Variants in GFOD1 observed in about 807,000 individuals in gnomAD.
GFOD1 encodes Gfo/Idh/MocA-like oxidoreductase domain containing 1, also known as glucose-fructose oxidoreductase domain-containing protein 1.
GFOD1 carries 9 observed loss-of-function variants against 25.4 expected under a neutral mutation model. The ratio of observed to expected loss-of-function variants is 0.35; its 90% CI spans 0.21 to 0.62. GFOD1 has a LOEUF of 0.62. Among genes scored for constraint, GFOD1 ranks in the 20% least tolerant of loss-of-function variants. GFOD1 has a pLI of 0.72. For missense variants in GFOD1, 403 were observed against 556.9 expected (o/e 0.72, Z 2.78); for synonymous variants, 253 against 245.6 (o/e 1.03, Z -0.28).
At chr6:13,470,634 T>G in intron 1 of GFOD1, 2 of 1,462,230 alleles carry the variant, frequency 1.4e-6, no homozygotes, top group South Asian at 1.5e-5. Context: ...CCTGGTTCTG[T>G]TGGAAAGGGA....
chr6:13,370,588 A>G (rs1461794144), intron 1 of GFOD1, among the ~76,000 whole-genome samples: 1 of 152,074 alleles, frequency 6.6e-6, no homozygotes, highest in African/African-American at 2.4e-5. Flanking sequence ...CAAGATCCTC[A>G]GGTTTTTTCT....
At chr6:13,402,771 A>C (rs532552847) in intron 1 of GFOD1, among the ~76,000 whole-genome samples, 2 of 152,324 alleles carry the variant, frequency 1.3e-5, no homozygotes, top group South Asian at 4.1e-4. Flanking sequence ...CATCCTGGCA[A>C]CTCCTCAAAA....
At chr6:13,412,846 T>C (rs1786102546) in intron 1 of GFOD1, among the ~76,000 whole-genome samples, 1 of 152,244 alleles carries the variant, frequency 6.6e-6, no homozygotes, top group Non-Finnish European at 1.5e-5. Context: ...AGAGGGCTCC[T>C]CTGAGCAAAG....
intron 1 of GFOD1, among the ~76,000 whole-genome samples, chr6:13,390,190 TA>T (rs1785559543): frequency 6.6e-6 from 1 of 152,234 alleles, no homozygotes; most frequent in Non-Finnish European, 1.5e-5. Context: ...TTCTTAGGCA[TA>T]TTTTCCTGTG....
chr6:13,395,588 C>T (rs1398433441), intron 1 of GFOD1, among the ~76,000 whole-genome samples: 1 of 152,192 alleles, frequency 6.6e-6, no homozygotes, highest in African/African-American at 2.4e-5. Context: ...CTCGGGGCTC[C>T]AGCTTCCTCA....
intron 1 of GFOD1, among the ~76,000 whole-genome samples, chr6:13,409,937 A>AAG (rs1554202015): frequency 5.4e-5 from 2 of 37,152 alleles, no homozygotes; most frequent in African/African-American, 7.6e-5. Flanking sequence ...AAAAAAAAAA[A>AAG]AAAGAAAGAA....
At chr6:13,395,385 C>A (rs1163489101) in intron 1 of GFOD1, among the ~76,000 whole-genome samples, 1 of 152,162 alleles carries the variant, frequency 6.6e-6, no homozygotes, top group African/African-American at 2.4e-5. Flanking sequence ...GCCTATAAAC[C>A]ACCCGATAAA....
intron 1 of GFOD1, among the ~76,000 whole-genome samples, chr6:13,475,816 T>A (rs953792731): frequency 6.6e-6 from 1 of 150,810 alleles, no homozygotes; most frequent in Non-Finnish European, 1.5e-5. Context: ...CCCAGCTACT[T>A]GGGAGGCTGA....
At chr6:13,384,311 G>C (rs1785423793) in intron 1 of GFOD1, among the ~76,000 whole-genome samples, 1 of 152,168 alleles carries the variant, frequency 6.6e-6, no homozygotes, top group African/African-American at 2.4e-5. Context: ...TAAAGCACCT[G>C]CTAAGTTATT....
In GFOD1 at chr6:13,368,552, ACTGCCAAAAT is replaced by A. The variant is rs369926482; in HGVS notation, c.254-2900_254-2891del. ...GTCACTGCAGGGACAGGTGATAAAT[ACTGCCAAAAT>A]CTGCCTCACACCCATTGGGTGTAGG... On this transcript the variant is annotated intron_variant, in intron 1 of 1. Coordinates refer to ENST00000379287, the MANE Select transcript of GFOD1 (RefSeq NM_018988.4). 8.9e-4 allele frequency among the ~76,000 whole-genome samples: 136 copies of A among 152,298 alleles called. 1 individual carries two copies. The highest frequency in any genetic ancestry group is 3.2e-3 in the African/African-American group (132 of 41,566).
intron 1 of GFOD1, among the ~76,000 whole-genome samples, chr6:13,475,368 G>A (rs1043364387): frequency 6.6e-6 from 1 of 152,008 alleles, no homozygotes; most frequent in Non-Finnish European, 1.5e-5. Flanking sequence ...GAGATCAGGA[G>A]TTTGAGACCA....
chr6:13,378,977 CA>C (rs1785307905), intron 1 of GFOD1, among the ~76,000 whole-genome samples: 1 of 152,040 alleles, frequency 6.6e-6, no homozygotes, highest in African/African-American at 2.4e-5. Flanking sequence ...CTAACAGAGG[CA>C]ATAAACCCCT....
At chr6:13,458,757 CAAAAAAAA>C (rs5874418) in intron 1 of GFOD1, among the ~76,000 whole-genome samples, 15 of 57,240 alleles carry the variant, frequency 2.6e-4, no homozygotes, top group South Asian at 3.1e-3. Flanking sequence ...TCCCCTTGAG[CAAAAAAAA>C]AAAAAAAAAA....
intron 1 of GFOD1, among the ~76,000 whole-genome samples, chr6:13,418,275 C>T (rs1010862156): frequency 2.0e-5 from 3 of 152,118 alleles, no homozygotes; most frequent in African/African-American, 7.2e-5. Flanking sequence ...AAAATGAAGG[C>T]TGGAACTGGA....
Position 13,431,264 on chromosome 6 carries a change from G to A in GFOD1, c.253+55374C>T, listed in dbSNP as rs559752894. On this transcript the variant is annotated intron_variant, in intron 1 of 1. Transcript: ENST00000379287. ...GTCCAATCTTTACCACTCTAGGCAAGTAAGATTATTATTATTGCCCATTTT... is the reference window on the plus strand; with the variant it reads ...GTCCAATCTTTACCACTCTAGGCAAATAAGATTATTATTATTGCCCATTTT... 3.3e-5 allele frequency among the ~76,000 whole-genome samples: 5 copies of A among 152,320 alleles called. No individual in the cohort carries two copies. The East Asian group carries it at 9.6e-4, about 29-fold the overall frequency.
At chr6:13,438,937 T>C (rs1484422678) in intron 1 of GFOD1, among the ~76,000 whole-genome samples, 12 of 152,204 alleles carry the variant, frequency 7.9e-5, no homozygotes, top group Admixed American at 7.9e-4. Context: ...TTAATACTTA[T>C]GAAACATTGA....
chr6:13,381,957 T>C (rs1785374729), intron 1 of GFOD1, among the ~76,000 whole-genome samples: 1 of 145,708 alleles, frequency 6.9e-6, no homozygotes, highest in African/African-American at 2.6e-5. Context: ...ACACACAAAC[T>C]TGCTGACTGA....
chr6:13,391,290 C>A (rs962960624), intron 1 of GFOD1, among the ~76,000 whole-genome samples: 1 of 151,874 alleles, frequency 6.6e-6, no homozygotes, highest in Non-Finnish European at 1.5e-5. Flanking sequence ...AAGAAATTGG[C>A]CATTTGAAAC....
rs1281177181 is a variant in GFOD1 at position 13,477,177 on chromosome 6, TATTA to T, written c.253+9457_253+9460del. Among the ~76,000 whole-genome samples the T allele has an allele frequency of 2.6e-4, 39 of 151,594 alleles. 1 individual carries two copies. Among genetic ancestry groups the T allele is most frequent in the Admixed American group, 1.2e-3 (18 of 15,166 alleles). On this transcript the variant is annotated intron_variant, in intron 1 of 1. Transcript: ENST00000379287. ...GTGGCCTTGATCCAGGCAAAATCTG[TATTA>T]GTCAGGGTTCACCAGAGAAACAGAA...
Sources: allele counts gnomAD v4.1 joint callset (sites outside exome capture counted in the v4.1 genomes callset), GRCh38; gene constraint gnomAD v4.1.1; transcripts MANE v1.5; gene names NCBI Gene and HGNC (gene_info 2026-07-23, HGNC 2026-07-21).